The following OPRK1 variants were observed in gnomAD, a reference collection of about 807,000 sequenced individuals.
The protein encoded by OPRK1 is opioid receptor kappa 1, also known as kappa-type opioid receptor.
In OPRK1, 15 loss-of-function variants were observed where a neutral mutation model predicts 24.5. The observed-to-expected ratio is 0.61, with a 90% CI of 0.41 to 0.94. OPRK1 has a LOEUF of 0.94. OPRK1 is among the 40% of genes least tolerant of loss of function. The probability of loss-of-function intolerance (pLI) is 0.00; values close to 1 mark genes in which losing one functional copy is unlikely to be tolerated. For synonymous variants in OPRK1, 205 were observed against 198.0 expected (o/e 1.04, Z -0.30); for missense variants, 479 against 507.3 (o/e 0.94, Z 0.54).
At chr8:53,231,507 T>C (rs1187045338) in intron 3 of OPRK1, among the ~76,000 whole-genome samples, 1 of 152,198 alleles carries the variant, frequency 6.6e-6, no homozygotes, top group Non-Finnish European at 1.5e-5. Flanking sequence ...TCTTAAATTG[T>C]CCTCTCCTCG....
chr8:53,237,960 A>AC (rs1443630360), intron 2 of OPRK1, among the ~76,000 whole-genome samples: 8 of 152,354 alleles, frequency 5.3e-5, no homozygotes, highest in African/African-American at 1.9e-4. Context: ...ACACATGCTT[A>AC]TAAACCTACA....
chr8:53,237,545 A>T (rs7016778), intron 2 of OPRK1, among the ~76,000 whole-genome samples: 25,736 of 152,082 alleles, frequency 0.17, 2,855 homozygotes, highest in African/African-American at 0.32. Flanking sequence ...CTTTGTCTCA[A>T]TTCATCCTCA....
rs1243194774 is a variant in OPRK1, at chr8:53,227,636, G to A, written c.*1661C>T. Reference sequence around the variant, plus strand: ...CATTAGGAGAAATCACTTCCATTCTGCCATATGTCATCTGTGTTAGGTGCC... The same window carrying A: ...CATTAGGAGAAATCACTTCCATTCTACCATATGTCATCTGTGTTAGGTGCC... On this transcript the variant is annotated 3_prime_UTR_variant, in exon 4 of 4. Coordinates refer to ENST00000265572, the MANE Select transcript of OPRK1 (RefSeq NM_000912.5). 6.6e-6 allele frequency: 1 copy of A among 151,966 alleles called. No individual in the cohort carries two copies. Among genetic ancestry groups the A allele is most frequent in the Admixed American group, 6.6e-5 (1 of 15,248 alleles). 9.4% of individuals were successfully genotyped at this position (151,966 alleles called of 1,614,324 possible).
chr8:53,239,317 T>C (rs1295498964), intron 2 of OPRK1, among the ~76,000 whole-genome samples: 1 of 152,218 alleles, frequency 6.6e-6, no homozygotes, highest in Non-Finnish European at 1.5e-5. Context: ...ATGTGAACTA[T>C]AGGAATACAT....
In OPRK1 at chr8:53,226,885, C is replaced by G. The variant is rs1806706085; in HGVS notation, c.*2412G>C. ...TACTATTCTCTCCTTGGGCTGCAGA[C>G]TTACATATGAGGAGATGCAGGAAAA... On this transcript the variant is annotated 3_prime_UTR_variant, in exon 4 of 4. Coordinates refer to ENST00000265572, the MANE Select transcript of OPRK1 (RefSeq NM_000912.5). The G allele has an allele frequency of 1.3e-5, 2 of 152,188 alleles. No individual in the cohort carries two copies. Among genetic ancestry groups the G allele is most frequent in the Non-Finnish European group, 2.9e-5 (2 of 68,042 alleles). The allele number at this position is 152,188 out of a possible 1,614,324, so 9.4% of individuals were successfully genotyped here. A position where few individuals can be genotyped will look rare whatever the true frequency, so the allele number is the denominator to read the frequency against.
intron 2 of OPRK1, among the ~76,000 whole-genome samples, chr8:53,250,187 T>C (rs1028766319): frequency 6.6e-6 from 1 of 152,048 alleles, no homozygotes; most frequent in Admixed American, 6.6e-5. Flanking sequence ...AGGATAAATA[T>C]TATTTACTGA....
rs1806947427 is a variant in OPRK1 at position 53,234,749 on chromosome 8, C to T, written c.610+10G>A. 3 of 1,597,532 alleles carry T rather than the reference C, an allele frequency of 1.9e-6. No individual in the cohort carries two copies. Among genetic ancestry groups the T allele is most frequent in the African/African-American group, 1.3e-5 (1 of 74,578 alleles). On this transcript the variant is annotated intron_variant, in intron 3 of 3. Coordinates refer to ENST00000265572, the MANE Select transcript of OPRK1 (RefSeq NM_000912.5). ...CATTTTTATGAACAGAATGAAATGA[C>T]TGCTCTTACCTTCCCTGACTTTGGT...
chr8:53,225,824 C>T lies in OPRK1; in HGVS notation c.*3473G>A, dbSNP rs1806667426. On this transcript the variant is annotated 3_prime_UTR_variant, in exon 4 of 4. Coordinates refer to ENST00000265572, the MANE Select transcript of OPRK1 (RefSeq NM_000912.5). ...TAAAGTACAAGATAAAAATCATATA[C>T]ATTATAGTAAAGAACATATGAGTAT... is the stretch of plus-strand genomic sequence containing the variant. The T allele has an allele frequency of 6.6e-6, 1 of 152,510 alleles. No homozygotes were observed. The highest frequency in any genetic ancestry group is 1.5e-5 in the Non-Finnish European group (1 of 68,008). The allele number at this position is 152,510 out of a possible 1,614,324, so 9.4% of individuals were successfully genotyped here.
chr8:53,234,691 G>T, intron 3 of OPRK1, 68 bp downstream of exon 3: 2 of 1,366,330 alleles, frequency 1.5e-6, no homozygotes, highest in Non-Finnish European at 2.0e-6. Context: ...GCCTACTCAC[G>T]CTCAAATTAA....
At chr8:53,241,779 G>A (rs1021349265) in intron 2 of OPRK1, among the ~76,000 whole-genome samples, 8 of 152,216 alleles carry the variant, frequency 5.3e-5, no homozygotes, top group East Asian at 1.9e-4. Context: ...ACCCACGTGC[G>A]ATCAGGACTC....
Position 53,242,993 on chromosome 8 carries a change from G to A in OPRK1, c.257+7788C>T, listed in dbSNP as rs144796855. ...CCTAAAATCTATTCTTCATATATAA[G>A]CCTTCCTTATCCAAGACATAAACCA... is the stretch of plus-strand genomic sequence containing the variant. On this transcript the variant is annotated intron_variant, in intron 2 of 3. Transcript: ENST00000265572. The A allele has an allele frequency of 1.1e-4, 133 of 1,242,380 alleles. No individual in the cohort carries two copies. In the African/African-American group the frequency reaches 1.8e-3, roughly 17 times the overall value. The allele number at this position is 1,242,380 out of a possible 1,614,324, so 77.0% of individuals were successfully genotyped here.
In OPRK1 at chr8:53,245,227, A is replaced by G. The variant is rs369139155; in HGVS notation, c.257+5554T>C. 6.6e-4 allele frequency among the ~76,000 whole-genome samples: 100 copies of G among 152,328 alleles called. 2 individuals are homozygous for G. Among genetic ancestry groups the G allele is most frequent in the African/African-American group, 2.1e-3 (89 of 41,566 alleles). Reference sequence around the variant, plus strand: ...GACTGCATTTGGAGACAGGAGCTTTAAAGAGATAATTAAGGTAAATGAGGC... The same window carrying G: ...GACTGCATTTGGAGACAGGAGCTTTGAAGAGATAATTAAGGTAAATGAGGC... On this transcript the variant is annotated intron_variant, in intron 2 of 3. Coordinates refer to ENST00000265572, the MANE Select transcript of OPRK1 (RefSeq NM_000912.5).
chr8:53,228,445 A>T lies in OPRK1; in HGVS notation c.*852T>A, dbSNP rs1806766647. The T allele has an allele frequency of 6.6e-6, 1 of 152,222 alleles. No individual in the cohort carries two copies. Among genetic ancestry groups the T allele is most frequent in the South Asian group, 2.1e-4 (1 of 4,836 alleles). 9.4% of individuals were successfully genotyped at this position (152,222 alleles called of 1,614,324 possible). A position where few individuals can be genotyped will look rare whatever the true frequency, so the allele number is the denominator to read the frequency against. On this transcript the variant is annotated 3_prime_UTR_variant, in exon 4 of 4. Coordinates refer to ENST00000265572, the MANE Select transcript of OPRK1 (RefSeq NM_000912.5). ...TCAACTTAGCAACTCAGGGGATATC[A>T]TTAGTGTGCCCTCAGGAAATTGCCT...
intron 2 of OPRK1, among the ~76,000 whole-genome samples, chr8:53,240,971 G>A (rs1321923392): frequency 6.6e-6 from 1 of 152,066 alleles, no homozygotes; most frequent in Non-Finnish European, 1.5e-5. Context: ...ATTTTTATTT[G>A]TCAATTATGC....
intron 2 of OPRK1, among the ~76,000 whole-genome samples, chr8:53,243,907 A>G (rs949844605): frequency 6.6e-6 from 1 of 152,076 alleles, no homozygotes; most frequent in East Asian, 1.9e-4. Context: ...ACCATATTGT[A>G]CCTTTGCTTT....
chr8:53,239,484 G>T (rs1342131114), intron 2 of OPRK1, among the ~76,000 whole-genome samples: 3 of 152,196 alleles, frequency 2.0e-5, no homozygotes, highest in Admixed American at 6.5e-5. Context: ...TCCTGGTTCA[G>T]GGTTCCTGCT....
rs774325790 is a variant in OPRK1, at chr8:53,235,152, G to A, written c.258-41C>T. 5 of 1,545,780 alleles carry A rather than the reference G, an allele frequency of 3.2e-6. No individual in the cohort carries two copies. In the South Asian group the frequency reaches 3.5e-5, roughly 11 times the overall value. Reference sequence around the variant, plus strand: ...CAATAGCATTTCCCTCCATTTTCAAGTCAAACCCATAAGGTGAATGTGTTT... The same window carrying A: ...CAATAGCATTTCCCTCCATTTTCAAATCAAACCCATAAGGTGAATGTGTTT... On this transcript the variant is annotated intron_variant, in intron 2 of 3. Transcript: ENST00000265572.
At chr8:53,235,500 T>C (rs1453710208) in intron 2 of OPRK1, among the ~76,000 whole-genome samples, 1 of 152,034 alleles carries the variant, frequency 6.6e-6, no homozygotes, top group Non-Finnish European at 1.5e-5. Flanking sequence ...TCTCTTTGAC[T>C]TGTTTAAAAC....
At chr8:53,234,069 G>A (rs1563327428) in intron 3 of OPRK1, among the ~76,000 whole-genome samples, 1 of 151,498 alleles carries the variant, frequency 6.6e-6, no homozygotes, top group South Asian at 2.1e-4. Flanking sequence ...GGTGGTGTGT[G>A]CCAGTAGTCC....
Sources: allele counts gnomAD v4.1 joint callset (sites outside exome capture counted in the v4.1 genomes callset), GRCh38; gene constraint gnomAD v4.1.1; transcripts MANE v1.5; gene names NCBI Gene and HGNC (gene_info 2026-07-23, HGNC 2026-07-21).